Variants in BNC2 observed in about 807,000 individuals in gnomAD.
The protein encoded by BNC2 is zinc finger protein basonuclin-2.
Under a neutral mutation model 76.3 loss-of-function variants are expected in BNC2, and 20 were observed. That is an observed-to-expected ratio of 0.26 (90% CI 0.18 to 0.38). The LOEUF (loss-of-function observed/expected upper bound fraction) is 0.38. Ranked by LOEUF, BNC2 falls within the 10% of genes least tolerant of loss-of-function variation. The probability of loss-of-function intolerance (pLI) is 1.00; values close to 1 mark genes in which losing one functional copy is unlikely to be tolerated. For synonymous variants in BNC2, 582 were observed against 514.8 expected (o/e 1.13, Z -1.77); for missense variants, 1,382 against 1,399.8 (o/e 0.99, Z 0.20).
At position 16,666,333 on chromosome 9, in the gene BNC2, T is replaced by C. The variant is rs986805016; in HGVS notation, c.330+61464A>G. On this transcript the variant is annotated intron_variant, in intron 3 of 6. Transcript: ENST00000380672. Reference sequence around the variant, plus strand: ...GTTGGCATTCCCTTGATCTCTGCTATGTCCGCTGCAAATGTTCTCTCCTAT... The same window carrying C: ...GTTGGCATTCCCTTGATCTCTGCTACGTCCGCTGCAAATGTTCTCTCCTAT... Among the ~76,000 whole-genome samples, 6 of 152,220 alleles carry C rather than the reference T, an allele frequency of 3.9e-5. No homozygotes were observed. The East Asian group carries it at 1.2e-3, about 29-fold the overall frequency.
At chr9:16,696,807 A>G (rs1431075387) in intron 3 of BNC2, among the ~76,000 whole-genome samples, 2 of 152,216 alleles carry the variant, frequency 1.3e-5, no homozygotes, top group Admixed American at 6.5e-5. Context: ...GTAGAGGCCA[A>G]TAATTCCTGT....
chr9:16,728,957 G>A (rs751423014), intron 2 of BNC2, among the ~76,000 whole-genome samples: 53 of 151,470 alleles, frequency 3.5e-4, no homozygotes, highest in Non-Finnish European at 6.8e-4. Context: ...CTTTCAAATC[G>A]TTAAGAAAAG....
At chr9:16,798,912 T>G (rs1274166637) in intron 1 of BNC2, among the ~76,000 whole-genome samples, 1 of 152,066 alleles carries the variant, frequency 6.6e-6, no homozygotes, top group Non-Finnish European at 1.5e-5. Context: ...CTGACTTTGG[T>G]CACCAGCAAA....
chr9:16,634,704 T>A (rs1028549249), intron 3 of BNC2, among the ~76,000 whole-genome samples: 10 of 152,018 alleles, frequency 6.6e-5, no homozygotes, highest in Non-Finnish European at 1.5e-4. Flanking sequence ...GGTTTCATTG[T>A]GTTAGCCAGG....
chr9:16,412,621 G>A lies in BNC2; in HGVS notation c.*6368C>T, dbSNP rs1348972167. On this transcript the variant is annotated 3_prime_UTR_variant, in exon 7 of 7. Transcript: ENST00000380672. ...TACTGTCCACTTAATAGCTGGAGAG[G>A]GCATCGAGAGGCAGCCTTGGGCTTC... The A allele has an allele frequency of 1.3e-5, 2 of 152,454 alleles. No individual in the cohort carries two copies. Among genetic ancestry groups the A allele is most frequent in the African/African-American group, 2.4e-5 (1 of 41,362 alleles). 9.4% of individuals were successfully genotyped at this position (152,454 alleles called of 1,614,324 possible).
intron 3 of BNC2, among the ~76,000 whole-genome samples, chr9:16,670,390 C>T (rs1822440534): frequency 1.3e-5 from 2 of 152,164 alleles, no homozygotes; most frequent in South Asian, 2.1e-4. Flanking sequence ...TCATAGTTCA[C>T]TGTTCCCTTG....
intron 3 of BNC2, among the ~76,000 whole-genome samples, chr9:16,668,803 A>G (rs971696240): frequency 9.2e-5 from 14 of 152,132 alleles, no homozygotes; most frequent in Admixed American, 5.9e-4. Flanking sequence ...GTGAATATCA[A>G]TTTTTTTAGA....
At chr9:16,671,135 A>G (rs1490171319) in intron 3 of BNC2, among the ~76,000 whole-genome samples, 1 of 152,120 alleles carries the variant, frequency 6.6e-6, no homozygotes, top group Admixed American at 6.6e-5. Flanking sequence ...CATCTCAGTA[A>G]TTCATCTTTG....
At chr9:16,738,292 T>G in intron 2 of BNC2, 68 bp downstream of exon 2, 1 of 1,539,010 alleles carries the variant, frequency 6.5e-7, no homozygotes. Context: ...AGATATATCT[T>G]AACTAGGTAA....
rs1820621601 is a variant in BNC2 at position 16,418,040 on chromosome 9, C to T, written c.*949G>A. On this transcript the variant is annotated 3_prime_UTR_variant, in exon 7 of 7. Transcript: ENST00000380672. ...CTAATACTTTGTTTGGCATTTGTGC[C>T]CTATACTGACCAGACCATTTTTATA... is the stretch of plus-strand genomic sequence containing the variant. The T allele has an allele frequency of 6.6e-6, 1 of 152,386 alleles. No individual in the cohort carries two copies. The highest frequency in any genetic ancestry group is 2.1e-4 in the South Asian group (1 of 4,800). 9.4% of individuals were successfully genotyped at this position (152,386 alleles called of 1,614,324 possible). A position where few individuals can be genotyped will look rare whatever the true frequency, so the allele number is the denominator to read the frequency against.
intron 5 of BNC2, among the ~76,000 whole-genome samples, chr9:16,448,111 T>G (rs1040282872): frequency 1.3e-5 from 2 of 152,130 alleles, no homozygotes; most frequent in East Asian, 3.9e-4. Flanking sequence ...AGGACAGCTA[T>G]AAATCTGCTT....
intron 3 of BNC2, among the ~76,000 whole-genome samples, chr9:16,594,603 C>T (rs1820016120): frequency 6.6e-6 from 1 of 152,292 alleles, no homozygotes; most frequent in South Asian, 2.1e-4. Context: ...CAGATGACAA[C>T]TGATTACCCA....
At chr9:16,755,640 G>C (rs1286329924) in intron 1 of BNC2, among the ~76,000 whole-genome samples, 2 of 151,862 alleles carry the variant, frequency 1.3e-5, no homozygotes, top group African/African-American at 4.8e-5. Flanking sequence ...TCTATATTTA[G>C]CCTAGATCTC....
intron 1 of BNC2, among the ~76,000 whole-genome samples, chr9:16,825,252 T>A (rs1818427257): frequency 6.6e-6 from 1 of 152,126 alleles, no homozygotes; most frequent in Admixed American, 6.5e-5. Context: ...TCATCAACCG[T>A]CAAAGTTGGG....
At chr9:16,742,389 T>A (rs1354447454) in intron 1 of BNC2, among the ~76,000 whole-genome samples, 1 of 152,208 alleles carries the variant, frequency 6.6e-6, no homozygotes, top group African/African-American at 2.4e-5. Flanking sequence ...CACACCAGCT[T>A]TCTGCCCAAT....
At chr9:16,456,667 C>A (rs1225964253) in intron 5 of BNC2, among the ~76,000 whole-genome samples, 1 of 152,142 alleles carries the variant, frequency 6.6e-6, no homozygotes, top group East Asian at 1.9e-4. Flanking sequence ...TATTTCCTAG[C>A]AGCACTTCTG....
At chr9:16,811,808 G>C (rs1318447703) in intron 1 of BNC2, among the ~76,000 whole-genome samples, 1 of 152,142 alleles carries the variant, frequency 6.6e-6, no homozygotes, top group Non-Finnish European at 1.5e-5. Flanking sequence ...TTAGTGAAGG[G>C]GGCAAAGCAG....
chr9:16,582,676 G>A (rs1293120560), intron 4 of BNC2, among the ~76,000 whole-genome samples: 1 of 152,200 alleles, frequency 6.6e-6, no homozygotes, highest in East Asian at 1.9e-4. Context: ...GTATGTTTGA[G>A]TTTCCATCAG....
intron 6 of BNC2, among the ~76,000 whole-genome samples, chr9:16,434,225 G>T (rs1356969789): frequency 1.3e-5 from 2 of 151,976 alleles, no homozygotes; most frequent in Non-Finnish European, 2.9e-5. Flanking sequence ...TCAGTAGAAA[G>T]GAAAAAAATA....
Sources: allele counts gnomAD v4.1 joint callset (sites outside exome capture counted in the v4.1 genomes callset), GRCh38; gene constraint gnomAD v4.1.1; transcripts MANE v1.5; gene names NCBI Gene and HGNC (gene_info 2026-07-23, HGNC 2026-07-21).